The following B9D1 variants were observed in gnomAD, a reference collection of about 807,000 sequenced individuals.
The protein encoded by B9D1 is B9 domain containing 1, also known as B9 domain-containing protein 1.
B9D1 carries 20 observed loss-of-function variants against 26.1 expected under a neutral mutation model. The ratio of observed to expected loss-of-function variants is 0.77; its 90% CI spans 0.54 to 1.12. The LOEUF is 1.12. Among genes scored for constraint, B9D1 ranks in the 50% most tolerant of loss-of-function variants. The pLI is 0.00. For missense variants in B9D1, 260 were observed against 273.7 expected (o/e 0.95, Z 0.35); for synonymous variants, 105 against 103.1 (o/e 1.02, Z -0.11).
At chr17:19,354,252 C>T (rs1352576137) in intron 3 of B9D1, among the ~76,000 whole-genome samples, 1 of 152,168 alleles carries the variant, frequency 6.6e-6, no homozygotes, top group Non-Finnish European at 1.5e-5. Context: ...AATGTACTGG[C>T]GCTGACTCAC....
downstream of B9D1, among the ~76,000 whole-genome samples, chr17:19,336,945 G>A (rs150547130): frequency 0.01 from 1,571 of 152,338 alleles, 28 homozygotes; most frequent in African/African-American, 0.036. Flanking sequence ...GCCTGCACGG[G>A]TGTGCTGGGG....
At chr17:19,343,974 C>T in intron 5 of B9D1, 117 bp from the exon 6 acceptor site, 2 of 1,450,468 alleles carry the variant, frequency 1.4e-6, no homozygotes, top group East Asian at 2.5e-5. Context: ...TCCAACCGCA[C>T]CCCACCCCCA....
At chr17:19,376,206 T>A (rs1255692023) in intron 1 of B9D1, among the ~76,000 whole-genome samples, 1 of 152,036 alleles carries the variant, frequency 6.6e-6, no homozygotes, top group Non-Finnish European at 1.5e-5. Flanking sequence ...AGGGCTCTGG[T>A]GAAAGAGGAA....
intron 3 of B9D1, among the ~76,000 whole-genome samples, chr17:19,352,558 G>T (rs1360265089): frequency 2.7e-5 from 3 of 112,106 alleles, no homozygotes; most frequent in Non-Finnish European, 5.1e-5. Flanking sequence ...TTTCGCTCTT[G>T]TTGCCCAGGC....
At chr17:19,354,596 G>A (rs1373662357) in intron 3 of B9D1, among the ~76,000 whole-genome samples, 1 of 152,308 alleles carries the variant, frequency 6.6e-6, no homozygotes, top group Non-Finnish European at 1.5e-5. Context: ...TTGGGAGGCT[G>A]AGGTGGCTGG....
At chr17:19,375,598 T>C (rs1912064590) in intron 1 of B9D1, among the ~76,000 whole-genome samples, 1 of 152,146 alleles carries the variant, frequency 6.6e-6, no homozygotes, top group Non-Finnish European at 1.5e-5. Context: ...AAAAATTAGC[T>C]GGACATGGTG....
chr17:19,369,155 G>T (rs1230609212), intron 1 of B9D1, among the ~76,000 whole-genome samples: 4 of 152,202 alleles, frequency 2.6e-5, no homozygotes, highest in African/African-American at 9.7e-5. Flanking sequence ...TAGGGTTATG[G>T]TAGACAAGCA....
exon 1 of B9D1, chr17:19,377,865 G>A (rs1912229644): frequency 1.0e-6 from 1 of 985,440 alleles, no homozygotes; most frequent in Non-Finnish European, 1.2e-6. Flanking sequence ...ATACCTAGAA[G>A]CCAGGAAACC....
upstream of B9D1, among the ~76,000 whole-genome samples, chr17:19,364,257 G>C (rs187165522): frequency 6.6e-6 from 1 of 152,168 alleles, no homozygotes; most frequent in Non-Finnish European, 1.5e-5. The surrounding 1 kb of genome is among the most constrained non-coding windows in gnomAD (Gnocchi z 4.3). Context: ...GTTCTAGGGT[G>C]GCCTTCAGGG....
At chr17:19,343,152 A>C (rs1327439377), downstream of B9D1, 81 of 1,442,816 alleles carry the variant, frequency 5.6e-5, no homozygotes, top group Non-Finnish European at 6.7e-5. Flanking sequence ...TAAACAGGAG[A>C]GAAGGCAGCC....
At chr17:19,377,812 C>T (rs1196086674) in intron 1 of B9D1, 11 of 984,532 alleles carry the variant, frequency 1.1e-5, no homozygotes, top group Non-Finnish European at 1.2e-5. Flanking sequence ...CGCTGCAGCC[C>T]AAAGCACGGG....
intron 6 of B9D1, 37 bp from the exon 7 acceptor site, chr17:19,343,498 G>A (rs1236061789): frequency 1.9e-6 from 3 of 1,613,708 alleles, no homozygotes; most frequent in African/African-American, 1.3e-5. Flanking sequence ...AGGCTGGGCT[G>A]GGGCAGAGAG....
At chr17:19,340,824 T>G (rs1166166998), downstream of B9D1, 2 of 152,402 alleles carry the variant, frequency 1.3e-5, no homozygotes, top group African/African-American at 4.8e-5. Flanking sequence ...GTTACGCATT[T>G]TGTTGTACGT....
At chr17:19,364,066 C>G (rs1442006390), upstream of B9D1, among the ~76,000 whole-genome samples, 3 of 152,224 alleles carry the variant, frequency 2.0e-5, no homozygotes, top group Non-Finnish European at 4.4e-5. The surrounding 1 kb of genome is among the most constrained non-coding windows in gnomAD (Gnocchi z 4.3). Flanking sequence ...CTATCAGTCT[C>G]ACCCAATTAT....
intron 3 of B9D1, among the ~76,000 whole-genome samples, chr17:19,350,905 C>G (rs866789497): frequency 6.6e-6 from 1 of 150,446 alleles, no homozygotes; most frequent in South Asian, 2.1e-4. Flanking sequence ...GTGGTGCAAT[C>G]TTGGCTCACT....
Position 19,360,403 on chromosome 17 carries a change from G to A in B9D1, c.64-15C>T, listed in dbSNP as rs760164563. The A allele has an allele frequency of 6.2e-6, 10 of 1,612,330 alleles. No homozygotes were observed. The highest frequency in any genetic ancestry group is 8.5e-6 in the Non-Finnish European group (10 of 1,178,744). ...TACTCTGGAAACTGAAAAAAGCACA[G>A]ACAGATTCTGTCGACTGGTATTCAT... On this transcript the variant is annotated splice_polypyrimidine_tract_variant and intron_variant, in intron 1 of 6. Coordinates refer to ENST00000261499, the MANE Select transcript of B9D1 (RefSeq NM_015681.6).
chr17:19,362,806 G>T, upstream of B9D1: 1 of 1,273,250 alleles, frequency 7.9e-7, no homozygotes, highest in Non-Finnish European at 1.1e-6. Flanking sequence ...CCCTCCTTAG[G>T]GCAGGTATGA....
downstream of B9D1, chr17:19,335,442 A>T: frequency 6.5e-7 from 1 of 1,550,068 alleles, no homozygotes; most frequent in Non-Finnish European, 8.7e-7. Flanking sequence ...TTACAATGGA[A>T]ATCTGAAATG....
At chr17:19,363,307 G>A (rs77366811), upstream of B9D1, among the ~76,000 whole-genome samples, 7 of 152,234 alleles carry the variant, frequency 4.6e-5, no homozygotes, top group Non-Finnish European at 8.8e-5. Context: ...ACTGAGGCCC[G>A]CAGCGGGCGG....
Sources: gnomAD v4.1 joint callset for allele counts (sites outside exome capture counted in the v4.1 genomes callset) on GRCh38, gnomAD v4.1.1 for gene constraint, Gnocchi (gnomAD v3.1) non-coding constraint, MANE v1.5 for transcripts, NCBI Gene and HGNC (gene_info 2026-07-23, HGNC 2026-07-21) for gene names.